The following GPC5 variants were observed in gnomAD, a reference collection of about 807,000 sequenced individuals.
The protein encoded by GPC5 is glypican 5, also known as glypican-5.
GPC5 carries 47 observed loss-of-function variants against 53.9 expected under a neutral mutation model. That is an observed-to-expected ratio of 0.87 (90% confidence interval 0.69 to 1.11). The LOEUF (loss-of-function observed/expected upper bound fraction) is 1.11. Among genes scored for constraint, GPC5 ranks in the 50% most tolerant of loss-of-function variants. The pLI is 0.00. For synonymous variants in GPC5, 286 were observed against 263.3 expected, an observed-to-expected ratio of 1.09 and a Z score of -0.84; for missense variants, 748 against 713.1, an observed-to-expected ratio of 1.05 and a Z score of -0.56.
chr13:92,008,059 A>AT (rs33911884), intron 6 of GPC5, among the ~76,000 whole-genome samples: 41,350 of 127,174 alleles, frequency 0.33, 8,502 homozygotes, highest in South Asian at 0.62. Flanking sequence ...AATGAGAATA[A>AT]TTTTTTTTTT....
intron 2 of GPC5, among the ~76,000 whole-genome samples, chr13:91,596,048 A>G (rs1018440719): frequency 6.6e-6 from 1 of 152,212 alleles, no homozygotes. Context: ...GAGTTCACAA[A>G]CATTAGTGAT....
At chr13:92,183,061 G>T (rs540354368) in intron 7 of GPC5, among the ~76,000 whole-genome samples, 4 of 152,222 alleles carry the variant, frequency 2.6e-5, no homozygotes, top group Admixed American at 2.6e-4. Flanking sequence ...TTTTATTCCA[G>T]TTTTAATAGA....
intron 6 of GPC5, among the ~76,000 whole-genome samples, chr13:92,038,753 G>T (rs560109626): frequency 2.0e-5 from 3 of 151,976 alleles, no homozygotes; most frequent in Non-Finnish European, 4.4e-5. Flanking sequence ...TGGCATATAT[G>T]TATTACTCAA....
At chr13:92,105,821 A>G (rs2041505131) in intron 6 of GPC5, among the ~76,000 whole-genome samples, 1 of 152,030 alleles carries the variant, frequency 6.6e-6, no homozygotes, top group Non-Finnish European at 1.5e-5. Flanking sequence ...TCTTTTGTAC[A>G]AATATTTGTA....
chr13:92,300,416 G>A (rs1319468539), intron 7 of GPC5, among the ~76,000 whole-genome samples: 2 of 152,106 alleles, frequency 1.3e-5, no homozygotes, highest in African/African-American at 4.8e-5. Flanking sequence ...TCAGTATTTG[G>A]TTCTGTAGGC....
At chr13:92,782,655 T>C (rs1876073964) in intron 7 of GPC5, among the ~76,000 whole-genome samples, 2 of 152,194 alleles carry the variant, frequency 1.3e-5, no homozygotes, top group Admixed American at 1.3e-4. Context: ...TTACTTTTCA[T>C]GGAGATAATC....
At chr13:92,414,369 G>A (rs1432365038) in intron 7 of GPC5, among the ~76,000 whole-genome samples, 2 of 152,030 alleles carry the variant, frequency 1.3e-5, no homozygotes, top group African/African-American at 4.8e-5. Context: ...GCTGGGCGTG[G>A]TAGTGCATGC....
In GPC5 at chr13:91,603,070, T is replaced by C. The variant is rs1344833187; in HGVS notation, c.326-90117T>C. 2.6e-5 allele frequency among the ~76,000 whole-genome samples: 4 copies of C among 152,208 alleles called. No homozygotes were observed. The East Asian group carries it at 5.8e-4, about 22-fold the overall frequency. On this transcript the variant is annotated intron_variant, in intron 2 of 7. Coordinates refer to ENST00000377067, the MANE Select transcript of GPC5 (RefSeq NM_004466.6). ...CATGACTGGGGTAGTGGACATGTAA[T>C]ATTGTGAGAAAAGGATTCTGAGACT...
chr13:92,049,684 A>G (rs1370802178), intron 6 of GPC5, among the ~76,000 whole-genome samples: 1 of 152,114 alleles, frequency 6.6e-6, no homozygotes, highest in Non-Finnish European at 1.5e-5. Context: ...TAACCATTTA[A>G]CTGTCTCTGC....
At chr13:91,614,759 C>A (rs531949327) in intron 2 of GPC5, among the ~76,000 whole-genome samples, 28 of 152,154 alleles carry the variant, frequency 1.8e-4, no homozygotes, top group Middle Eastern at 3.4e-3. Flanking sequence ...TAGAAGAGGG[C>A]GATCATGAAG....
rs1594421969 is a variant in GPC5 at position 91,681,108 on chromosome 13, C to T, written c.326-12079C>T. The stretch of plus-strand genomic sequence containing the variant: ...AAATTTTTAAGAGTGTAAAGCGTTC[C>T]GAGACCGAAAACTTTGATGATTACT... On this transcript the variant is annotated intron_variant, in intron 2 of 7. Transcript: ENST00000377067. Among the ~76,000 whole-genome samples the T allele has an allele frequency of 3.3e-5, 5 of 151,680 alleles. No individual in the cohort carries two copies. In the South Asian group the frequency reaches 6.3e-4, roughly 19 times the overall value.
chr13:91,586,052 T>G (rs1332902664), intron 2 of GPC5, among the ~76,000 whole-genome samples: 1 of 129,422 alleles, frequency 7.7e-6, no homozygotes, highest in Non-Finnish European at 1.6e-5. Context: ...ATAAAAAAAT[T>G]TAAAAAAAGA....
intron 6 of GPC5, among the ~76,000 whole-genome samples, chr13:92,143,817 G>A (rs149694514): frequency 6.6e-6 from 1 of 152,202 alleles, no homozygotes; most frequent in East Asian, 1.9e-4. Flanking sequence ...TCTTTGAGTT[G>A]TGTGTTTAAT....
At chr13:92,517,494 G>A (rs535535752) in intron 7 of GPC5, among the ~76,000 whole-genome samples, 1 of 152,178 alleles carries the variant, frequency 6.6e-6, no homozygotes, top group Non-Finnish European at 1.5e-5. Context: ...GAAGCTTCCA[G>A]AGGAACGATC....
chr13:91,648,077 C>T (rs1454212275), intron 2 of GPC5, among the ~76,000 whole-genome samples: 1 of 152,132 alleles, frequency 6.6e-6, no homozygotes, highest in Admixed American at 6.5e-5. Context: ...AGTGGTGATC[C>T]CTTTTTCTTA....
chr13:92,354,887 A>G (rs1455671342), intron 7 of GPC5, among the ~76,000 whole-genome samples: 3 of 152,144 alleles, frequency 2.0e-5, no homozygotes, highest in Non-Finnish European at 4.4e-5. Context: ...AGAGGAGTAG[A>G]GTAAGAGAAG....
chr13:91,842,493 G>C (rs1005568823), intron 5 of GPC5, among the ~76,000 whole-genome samples: 1 of 149,458 alleles, frequency 6.7e-6, no homozygotes, highest in Non-Finnish European at 1.5e-5. Flanking sequence ...ACGAGGTCAG[G>C]AGATCGAGAC....
At chr13:92,440,025 T>G (rs1023537536) in intron 7 of GPC5, among the ~76,000 whole-genome samples, 5 of 152,192 alleles carry the variant, frequency 3.3e-5, no homozygotes, top group African/African-American at 1.2e-4. Flanking sequence ...GAGCTCTGTA[T>G]AGCAAGGAAC....
chr13:91,484,872 G>A (rs1412945283), intron 2 of GPC5, among the ~76,000 whole-genome samples: 2 of 152,232 alleles, frequency 1.3e-5, no homozygotes, highest in Non-Finnish European at 2.9e-5. Flanking sequence ...TTTGGATATA[G>A]TGGCATAATG....
Sources: allele counts gnomAD v4.1 joint callset (sites outside exome capture counted in the v4.1 genomes callset), GRCh38; gene constraint gnomAD v4.1.1; transcripts MANE v1.5; gene names NCBI Gene and HGNC (gene_info 2026-07-23, HGNC 2026-07-21).